The following CNTN5 variants were observed in gnomAD, a reference collection of about 807,000 sequenced individuals.
CNTN5 encodes the protein contactin-5.
In CNTN5, 77 loss-of-function variants were observed where a neutral mutation model predicts 129.1. The observed-to-expected ratio is 0.60, with a 90% CI of 0.50 to 0.72. The LOEUF (loss-of-function observed/expected upper bound fraction) is 0.72, where lower values mean the gene tolerates loss of function less well. Among genes scored for constraint, CNTN5 ranks in the 30% least tolerant of loss-of-function variants. CNTN5 has a pLI of 0.00. For synonymous variants in CNTN5, 509 were observed against 465.6 expected, an observed-to-expected ratio of 1.09 and a Z score of -1.20; for missense variants, 1,478 against 1,328.8, an observed-to-expected ratio of 1.11 and a Z score of -1.75.
At chr11:99,965,822 T>C (rs1180880245) in intron 8 of CNTN5, among the ~76,000 whole-genome samples, 1 of 152,206 alleles carries the variant, frequency 6.6e-6, no homozygotes, top group African/African-American at 2.4e-5. Flanking sequence ...AAGGACTTGC[T>C]ATTCAAAAAC....
At chr11:99,930,258 A>G (rs1241195461) in intron 7 of CNTN5, among the ~76,000 whole-genome samples, 1 of 152,110 alleles carries the variant, frequency 6.6e-6, no homozygotes, top group Non-Finnish European at 1.5e-5. Context: ...ATGCCTGAAT[A>G]TATTCTCAGA....
At position 99,073,611 on chromosome 11, in the gene CNTN5, C is replaced by T. The variant is rs2186835; in HGVS notation, c.-210+52341C>T. ...TCCCCTTCCTGTGTCCATGTGTTCT[C>T]ACTGTTCAGCTCCCACTGATGAGTG... is the stretch of plus-strand genomic sequence containing the variant. On this transcript the variant is annotated intron_variant, in intron 1 of 24. Coordinates refer to ENST00000524871, the MANE Select transcript of CNTN5 (RefSeq NM_014361.4). Among the ~76,000 whole-genome samples, 6,069 of 151,878 alleles carry T rather than the reference C, an allele frequency of 0.04. 616 individuals carry two copies. The East Asian group carries it at 0.4, about 10-fold the overall frequency.
chr11:100,308,442 A>C lies in CNTN5; in HGVS notation c.2704A>C (p.Ser902Arg), dbSNP rs772177687. Residue 902 changes from serine to arginine, a missense_variant, in exon 21 of 25, where the codon AGT (serine) becomes CGT (arginine). By Grantham distance (110) the Ser-to-Arg change is moderately radical (BLOSUM62 -1). Coordinates refer to ENST00000524871, the MANE Select transcript of CNTN5 (RefSeq NM_014361.4). ...ILVAWKHIKE[S>R]LGRPQGFEVG... Reference sequence around the variant, plus strand: ...TGTTGCATGGAAACACATTAAAGAGAGTCTAGGAAGACCACAGGGATTTGA... The same window carrying C: ...TGTTGCATGGAAACACATTAAAGAGCGTCTAGGAAGACCACAGGGATTTGA... 6.2e-7 allele frequency: 1 copy of C among 1,610,684 alleles called. No homozygotes were observed. The highest frequency in any genetic ancestry group is 1.1e-5 in the South Asian group (1 of 90,960).
At chr11:100,276,095 C>T (rs1950504371) in intron 18 of CNTN5, among the ~76,000 whole-genome samples, 1 of 152,158 alleles carries the variant, frequency 6.6e-6, no homozygotes, top group Non-Finnish European at 1.5e-5. Context: ...TGGTATGCCT[C>T]TTTAAGGTTC....
chr11:99,333,950 A>T (rs1866109052), intron 2 of CNTN5, among the ~76,000 whole-genome samples: 1 of 126,918 alleles, frequency 7.9e-6, no homozygotes, highest in Non-Finnish European at 1.6e-5. Context: ...TTATCAACTC[A>T]TCAACTTTCT....
intron 9 of CNTN5, among the ~76,000 whole-genome samples, chr11:100,014,524 T>A (rs999595723): frequency 6.6e-6 from 1 of 152,048 alleles, no homozygotes; most frequent in African/African-American, 2.4e-5. Flanking sequence ...GAGGTTGCAG[T>A]AAGCCGAGAT....
At chr11:100,265,204 T>A (rs1950277753) in intron 17 of CNTN5, among the ~76,000 whole-genome samples, 1 of 152,120 alleles carries the variant, frequency 6.6e-6, no homozygotes, top group African/African-American at 2.4e-5. Flanking sequence ...ATCAATTGTA[T>A]TTACCCTTCA....
intron 6 of CNTN5, among the ~76,000 whole-genome samples, chr11:99,887,757 T>C (rs1280409366): frequency 1.3e-5 from 2 of 152,152 alleles, no homozygotes; most frequent in African/African-American, 2.4e-5. Flanking sequence ...TCAGGAAGCG[T>C]CCAGCACAGG....
At chr11:99,221,703 A>C (rs191344302) in intron 1 of CNTN5, among the ~76,000 whole-genome samples, 1 of 151,960 alleles carries the variant, frequency 6.6e-6, no homozygotes, top group Non-Finnish European at 1.5e-5. Context: ...AATTACCTAT[A>C]ATGATCTCCA....
At chr11:99,316,713 T>C (rs1184965168) in intron 1 of CNTN5, among the ~76,000 whole-genome samples, 2 of 150,900 alleles carry the variant, frequency 1.3e-5, no homozygotes, top group East Asian at 3.9e-4. Context: ...CTTTTGAAAT[T>C]ACTCTTTTGA....
At chr11:99,466,177 C>T (rs112121677) in intron 2 of CNTN5, among the ~76,000 whole-genome samples, 1,849 of 151,952 alleles carry the variant, frequency 0.012, 38 homozygotes, top group African/African-American at 0.042. Context: ...CCACTGTGCC[C>T]GGCTGATGTC....
intron 23 of CNTN5, among the ~76,000 whole-genome samples, chr11:100,345,930 C>A (rs1026715006): frequency 6.6e-6 from 1 of 152,074 alleles, no homozygotes; most frequent in Non-Finnish European, 1.5e-5. Flanking sequence ...AATAATAATA[C>A]AAATAATTTC....
intron 1 of CNTN5, among the ~76,000 whole-genome samples, chr11:99,302,698 C>T (rs773845842): frequency 4.6e-5 from 7 of 151,618 alleles, no homozygotes; most frequent in Non-Finnish European, 8.9e-5. Flanking sequence ...AGCCTTAATA[C>T]ATTGAAAATG....
At chr11:99,431,974 A>G (rs975669903) in intron 2 of CNTN5, among the ~76,000 whole-genome samples, 1 of 152,108 alleles carries the variant, frequency 6.6e-6, no homozygotes, top group Admixed American at 6.6e-5. Flanking sequence ...ACATGTTTCA[A>G]GACGAAAGGA....
At chr11:100,159,590 C>T (rs1297408807) in intron 13 of CNTN5, among the ~76,000 whole-genome samples, 1 of 151,916 alleles carries the variant, frequency 6.6e-6, no homozygotes, top group East Asian at 1.9e-4. Context: ...AATCACACCT[C>T]AGAACCCTAA....
At chr11:99,174,897 CT>C in intron 1 of CNTN5, among the ~76,000 whole-genome samples, 1 of 152,136 alleles carries the variant, frequency 6.6e-6, no homozygotes, top group East Asian at 1.9e-4. Flanking sequence ...TAATTTCTAT[CT>C]TTAAATTCAT....
At chr11:99,368,887 A>G (rs1939637097) in intron 2 of CNTN5, among the ~76,000 whole-genome samples, 2 of 152,082 alleles carry the variant, frequency 1.3e-5, no homozygotes, top group African/African-American at 4.8e-5. Context: ...GTTTCTAAGC[A>G]GTAGGGTGAG....
chr11:99,825,902 A>T (rs947658090), intron 4 of CNTN5, among the ~76,000 whole-genome samples: 2 of 152,130 alleles, frequency 1.3e-5, no homozygotes, highest in African/African-American at 2.4e-5. Flanking sequence ...AGAAAATATA[A>T]TATAGAAATG....
chr11:100,278,915 C>T (rs932270972), intron 18 of CNTN5, among the ~76,000 whole-genome samples: 3 of 151,866 alleles, frequency 2.0e-5, no homozygotes, highest in African/African-American at 7.2e-5. Context: ...AGTCTTTCCC[C>T]ATTTAATATA....
Sources: allele counts gnomAD v4.1 joint callset (sites outside exome capture counted in the v4.1 genomes callset), GRCh38; gene constraint gnomAD v4.1.1; transcripts MANE v1.5; gene names NCBI Gene and HGNC (gene_info 2026-07-23, HGNC 2026-07-21).